The following ENTREP2 variants were observed in gnomAD, a reference collection of about 807,000 sequenced individuals.
ENTREP2 encodes protein ENTREP2.
the ENTREP2 span, among the ~76,000 whole-genome samples, chr15:29,409,347 T>C: frequency 6.6e-6 from 1 of 152,046 alleles, no homozygotes; most frequent in African/African-American, 2.4e-5. Context: ...AATTAATTTT[T>C]CTTTTTTTTT....
chr15:29,230,616 C>T, the ENTREP2 span, among the ~76,000 whole-genome samples: 190 of 152,026 alleles, frequency 1.2e-3, 2 homozygotes, highest in African/African-American at 4.5e-3. Flanking sequence ...AGAATAATAT[C>T]TCGGTAAGTT....
At chr15:29,627,272 T>C in the ENTREP2 span, among the ~76,000 whole-genome samples, 1 of 152,064 alleles carries the variant, frequency 6.6e-6, no homozygotes, top group Admixed American at 6.6e-5. Context: ...AGGCCAGGCG[T>C]GGTGGCTCAC....
the ENTREP2 span, among the ~76,000 whole-genome samples, chr15:29,450,039 CG>C: frequency 2.6e-5 from 4 of 152,022 alleles, no homozygotes; most frequent in Non-Finnish European, 5.9e-5. Flanking sequence ...GTTGACTGCA[CG>C]TATGTCTTTG....
chr15:29,421,759 TA>T, the ENTREP2 span, among the ~76,000 whole-genome samples: 1 of 152,214 alleles, frequency 6.6e-6, no homozygotes. Flanking sequence ...CTTACTCTCC[TA>T]AATTAAGCCA....
chr15:29,340,684 C>T, the ENTREP2 span, among the ~76,000 whole-genome samples: 2 of 152,180 alleles, frequency 1.3e-5, no homozygotes, highest in Non-Finnish European at 2.9e-5. Context: ...TCTACCATCT[C>T]TCATCCAACA....
At chr15:29,664,243 G>A in the ENTREP2 span, among the ~76,000 whole-genome samples, 2 of 152,160 alleles carry the variant, frequency 1.3e-5, no homozygotes, top group African/African-American at 4.8e-5. Context: ...TGATGTGCAT[G>A]TGGTCATTCC....
the ENTREP2 span, among the ~76,000 whole-genome samples, chr15:29,429,490 G>C: frequency 6.6e-6 from 1 of 152,208 alleles, no homozygotes; most frequent in Non-Finnish European, 1.5e-5. Context: ...TAAAGTGCTA[G>C]GATCACGGGC....
chr15:29,629,671 C>T, the ENTREP2 span, among the ~76,000 whole-genome samples: 1 of 152,098 alleles, frequency 6.6e-6, no homozygotes, highest in South Asian at 2.1e-4. Flanking sequence ...TTGTTTTAAC[C>T]ATCAAATATA....
chr15:29,511,818 G>A, the ENTREP2 span, among the ~76,000 whole-genome samples: 4,738 of 145,588 alleles, frequency 0.033, 253 homozygotes, highest in African/African-American at 0.11. Context: ...GCATATCTAG[G>A]ATGCCAACAA....
the ENTREP2 span, among the ~76,000 whole-genome samples, chr15:29,639,300 T>C: frequency 6.6e-6 from 1 of 152,204 alleles, no homozygotes; most frequent in African/African-American, 2.4e-5. Flanking sequence ...GTCTCTCTGT[T>C]ACACAAAATT....
At chr15:29,145,102 C>CAA in the ENTREP2 span, among the ~76,000 whole-genome samples, 1 of 151,972 alleles carries the variant, frequency 6.6e-6, no homozygotes, top group Non-Finnish European at 1.5e-5. Context: ...AACAATCTTC[C>CAA]AACAAACGGA....
the ENTREP2 span, among the ~76,000 whole-genome samples, chr15:29,498,904 C>G: frequency 6.6e-6 from 1 of 151,946 alleles, no homozygotes; most frequent in Non-Finnish European, 1.5e-5. Context: ...ACATAATGAC[C>G]TTTTTGATCT....
chr15:29,242,529 T>A, the ENTREP2 span, among the ~76,000 whole-genome samples: 18 of 152,206 alleles, frequency 1.2e-4, no homozygotes, highest in African/African-American at 4.1e-4. Context: ...CTTTTCTAAT[T>A]AATTTAAGTG....
At chr15:29,625,808 T>C in the ENTREP2 span, among the ~76,000 whole-genome samples, 1 of 152,208 alleles carries the variant, frequency 6.6e-6, no homozygotes, top group Non-Finnish European at 1.5e-5. Context: ...CAAGATTTCA[T>C]GTTATGCCTA....
At chr15:29,511,657 C>G in the ENTREP2 span, among the ~76,000 whole-genome samples, 1 of 151,754 alleles carries the variant, frequency 6.6e-6, no homozygotes, top group Non-Finnish European at 1.5e-5. Flanking sequence ...AAAGGGCCTG[C>G]AAGTATCCTG....
the ENTREP2 span, among the ~76,000 whole-genome samples, chr15:29,496,708 G>A: frequency 6.6e-6 from 1 of 152,122 alleles, no homozygotes; most frequent in Non-Finnish European, 1.5e-5. Context: ...CTGTTAATGT[G>A]TTGTACCACA....
At chr15:29,282,833 T>C in the ENTREP2 span, among the ~76,000 whole-genome samples, 1 of 152,194 alleles carries the variant, frequency 6.6e-6, no homozygotes, top group Admixed American at 6.5e-5. Flanking sequence ...AACCGTTTCT[T>C]GGCTACAACT....
the ENTREP2 span, chr15:29,268,612 T>C: frequency 1.9e-6 from 1 of 535,104 alleles, no homozygotes. Context: ...TAGATGAAAA[T>C]CTGGAGCAAA....
chr15:29,477,262 A>G, the ENTREP2 span, among the ~76,000 whole-genome samples: 2 of 152,242 alleles, frequency 1.3e-5, no homozygotes, highest in East Asian at 3.8e-4. Context: ...GGCAGTAAGT[A>G]GAAGGGAGCA....
Sources: gnomAD v4.1 joint callset for allele counts (sites outside exome capture counted in the v4.1 genomes callset) on GRCh38, gnomAD v4.1.1 for gene constraint, MANE v1.5 for transcripts, NCBI Gene and HGNC (gene_info 2026-07-23, HGNC 2026-07-21) for gene names.